MCC: variants seen among roughly 807,000 people sequenced by gnomAD.
The protein encoded by MCC is MCC regulator of Wnt signaling pathway, also known as colorectal mutant cancer protein.
Under a neutral mutation model 116.2 loss-of-function variants are expected in MCC, and 90 were observed. The observed-to-expected ratio is 0.77, with a 90% CI of 0.65 to 0.92. The LOEUF (loss-of-function observed/expected upper bound fraction) is 0.92, where lower values mean the gene tolerates loss of function less well. Among genes scored for constraint, MCC ranks in the 40% least tolerant of loss-of-function variants. The probability of loss-of-function intolerance (pLI) is 0.00; values close to 1 mark genes in which losing one functional copy is unlikely to be tolerated. For synonymous variants in MCC, 578 were observed against 510.5 expected, an observed-to-expected ratio of 1.13 and a Z score of -1.78; for missense variants, 1,516 against 1,312.2, an observed-to-expected ratio of 1.16 and a Z score of -2.40.
chr5:113,400,943 C>A (rs1160007210), intron 1 of MCC, among the ~76,000 whole-genome samples: 1 of 152,118 alleles, frequency 6.6e-6, no homozygotes, highest in East Asian at 1.9e-4. Flanking sequence ...AGTGTCCTTC[C>A]AAAAATCCCA....
At chr5:113,103,748 GTT>G (rs1232492457) in intron 7 of MCC, among the ~76,000 whole-genome samples, 1 of 152,154 alleles carries the variant, frequency 6.6e-6, no homozygotes, top group Non-Finnish European at 1.5e-5. Context: ...TTCACAATGA[GTT>G]TGTGCAGATG....
intron 1 of MCC, among the ~76,000 whole-genome samples, chr5:113,468,610 C>A (rs1466403808): frequency 6.6e-6 from 1 of 152,106 alleles, no homozygotes; most frequent in Non-Finnish European, 1.5e-5. Context: ...ATTTTTGCAT[C>A]GATGTTCATC....
chr5:113,082,463 T>G lies in MCC; in HGVS notation c.1784+397A>C, dbSNP rs149650561. Among the ~76,000 whole-genome samples the G allele has an allele frequency of 5.9e-4, 90 of 152,268 alleles. 1 individual carries two copies. Among genetic ancestry groups the G allele is most frequent in the Non-Finnish European group, 1.3e-3 (86 of 68,044 alleles). On this transcript the variant is annotated intron_variant, in intron 11 of 18. Coordinates refer to ENST00000408903, the MANE Select transcript of MCC (RefSeq NM_001085377.2). ...TGGTTCTCTGCAGCACAGGCCTGCA[T>G]GCTTGGCAGCCACCTGTGACCTACT...
chr5:113,461,491 C>A (rs752436353), intron 1 of MCC, among the ~76,000 whole-genome samples: 1 of 151,780 alleles, frequency 6.6e-6, no homozygotes, highest in Non-Finnish European at 1.5e-5. Flanking sequence ...ATGCTGCCTA[C>A]CCCTTGGACA....
intron 5 of MCC, among the ~76,000 whole-genome samples, chr5:113,142,186 C>G (rs570330854): frequency 1.4e-5 from 2 of 147,214 alleles, no homozygotes; most frequent in South Asian, 4.3e-4. Context: ...GGTGTTGGAA[C>G]AAAATGCATC....
chr5:113,126,688 C>G (rs976949054), intron 5 of MCC, among the ~76,000 whole-genome samples: 1 of 151,994 alleles, frequency 6.6e-6, no homozygotes, highest in Non-Finnish European at 1.5e-5. Context: ...TGGAAAAAAC[C>G]GCAACTGCTT....
chr5:113,079,584 C>T (rs561479304), intron 11 of MCC, among the ~76,000 whole-genome samples: 1 of 152,322 alleles, frequency 6.6e-6, no homozygotes, highest in South Asian at 2.1e-4. Context: ...ATAAATGGTG[C>T]TGGGAAAACT....
chr5:113,173,075 A>G (rs77516739), intron 3 of MCC, among the ~76,000 whole-genome samples: 2,094 of 152,296 alleles, frequency 0.014, 67 homozygotes, highest in African/African-American at 0.046. Flanking sequence ...TACACTGCAA[A>G]TACTCTTTCC....
intron 13 of MCC, among the ~76,000 whole-genome samples, chr5:113,066,560 T>C (rs1220224381): frequency 6.6e-6 from 1 of 152,172 alleles, no homozygotes; most frequent in East Asian, 1.9e-4. Context: ...GTTGGATTAC[T>C]TGGATATGAA....
chr5:113,054,118 A>G (rs977379411), intron 14 of MCC, among the ~76,000 whole-genome samples, 159 bp from the exon 15 acceptor site: 1 of 152,194 alleles, frequency 6.6e-6, no homozygotes. Flanking sequence ...AAATGATACC[A>G]CCTTTTAGGA....
intron 5 of MCC, among the ~76,000 whole-genome samples, chr5:113,133,781 C>G (rs2150279244): frequency 6.6e-6 from 1 of 152,254 alleles, no homozygotes; most frequent in African/African-American, 2.4e-5. Flanking sequence ...ATATCCTTGC[C>G]AGCATCCATT....
At chr5:113,145,781 CACAAACACACACACACACACACACA>C (rs1759475235) in intron 4 of MCC, among the ~76,000 whole-genome samples, 2 of 13,742 alleles carry the variant, frequency 1.5e-4, no homozygotes, top group Non-Finnish European at 1.9e-4. Context: ...CACACACACA[CACAAACACACACACACACACACACA>C]AAAGACCCTG....
intron 6 of MCC, among the ~76,000 whole-genome samples, chr5:113,110,190 CTTTAAG>C (rs887552933): frequency 3.9e-5 from 6 of 152,130 alleles, no homozygotes; most frequent in Admixed American, 6.5e-5. Flanking sequence ...ATACACATTC[CTTTAAG>C]TTTATCTGTA....
At chr5:113,272,187 G>A (rs1765640825) in intron 3 of MCC, among the ~76,000 whole-genome samples, 1 of 152,266 alleles carries the variant, frequency 6.6e-6, no homozygotes, top group South Asian at 2.1e-4. Context: ...CTTACTGTGG[G>A]AGTCCAGGCA....
intron 3 of MCC, among the ~76,000 whole-genome samples, chr5:113,195,711 G>A (rs192716675): frequency 6.6e-6 from 1 of 152,282 alleles, no homozygotes; most frequent in East Asian, 1.9e-4. Flanking sequence ...CTCTGGCTCT[G>A]GGATGTTTGC....
rs10632667 is a variant in MCC, at chr5:113,396,476, CA to C, written c.171-11265del. ...TGAAACCCCATCTCTACTAACAATACAAAAAAAAAAAATAGCCAGATGTGGT... is the reference window on the plus strand; with the variant it reads ...TGAAACCCCATCTCTACTAACAATACAAAAAAAAAAATAGCCAGATGTGGT... On this transcript the variant is annotated intron_variant, in intron 1 of 18. Coordinates refer to ENST00000408903, the MANE Select transcript of MCC (RefSeq NM_001085377.2). Among the ~76,000 whole-genome samples the C allele has an allele frequency of 9.1e-4, 131 of 143,912 alleles. 1 individual carries two copies. Among genetic ancestry groups the C allele is most frequent in the East Asian group, 5.7e-3 (28 of 4,926 alleles). The allele number at this position is 143,912 out of a possible 152,430, so 94.4% of individuals were successfully genotyped here.
At chr5:113,400,234 C>T (rs1234710874) in intron 1 of MCC, among the ~76,000 whole-genome samples, 4 of 148,632 alleles carry the variant, frequency 2.7e-5, no homozygotes, top group Admixed American at 6.7e-5. Context: ...GTGATTCTCC[C>T]GCCTCAGCCT....
chr5:113,398,797 G>A (rs1044448888), intron 1 of MCC, among the ~76,000 whole-genome samples: 1 of 152,172 alleles, frequency 6.6e-6, no homozygotes, highest in African/African-American at 2.4e-5. Flanking sequence ...ACCCATGTAA[G>A]CTTTTTTGTA....
chr5:113,298,655 C>A (rs1766770881), intron 3 of MCC, among the ~76,000 whole-genome samples: 1 of 152,092 alleles, frequency 6.6e-6, no homozygotes, highest in Non-Finnish European at 1.5e-5. Flanking sequence ...GTGTCAAGGA[C>A]AAAAACTATG....
Sources: gnomAD v4.1 joint callset for allele counts (sites outside exome capture counted in the v4.1 genomes callset) on GRCh38, gnomAD v4.1.1 for gene constraint, MANE v1.5 for transcripts, NCBI Gene and HGNC (gene_info 2026-07-23, HGNC 2026-07-21) for gene names.